Variants in ADGRB3 observed in about 807,000 individuals in gnomAD.
ADGRB3 encodes the protein brain-specific angiogenesis inhibitor 3.
A neutral mutation model predicts 193.4 loss-of-function variants in ADGRB3; 37 were observed. That is an observed-to-expected ratio of 0.19 (90% CI 0.15 to 0.25). The LOEUF (loss-of-function observed/expected upper bound fraction) is 0.25. ADGRB3 is among the 10% of genes least tolerant of loss of function. ADGRB3 has a pLI of 1.00. For synonymous variants in ADGRB3, 690 were observed against 644.2 expected (o/e 1.07, Z -1.08); for missense variants, 1,637 against 1,852.9 (o/e 0.88, Z 2.14).
chr6:69,338,699 A>G (rs985583008), intron 24 of ADGRB3, among the ~76,000 whole-genome samples: 9 of 152,220 alleles, frequency 5.9e-5, no homozygotes, highest in African/African-American at 1.9e-4. Flanking sequence ...AATGATGGAA[A>G]TATGTTTTGC....
At chr6:69,154,077 T>C (rs1774762264) in intron 17 of ADGRB3, among the ~76,000 whole-genome samples, 1 of 152,216 alleles carries the variant, frequency 6.6e-6, no homozygotes, top group South Asian at 2.1e-4. Context: ...ATAATGAACC[T>C]GACTCTTGAA....
chr6:68,794,962 T>A (rs144874288), intron 3 of ADGRB3, among the ~76,000 whole-genome samples: 111 of 152,184 alleles, frequency 7.3e-4, no homozygotes, highest in Middle Eastern at 3.4e-3. Flanking sequence ...ACTGGAGAAG[T>A]TCTATATAAA....
chr6:69,073,526 C>T (rs1463435348), intron 16 of ADGRB3, among the ~76,000 whole-genome samples: 6 of 152,128 alleles, frequency 3.9e-5, no homozygotes, highest in African/African-American at 9.7e-5. Flanking sequence ...AACAGGGGCC[C>T]TCGGCAAAGC....
chr6:69,274,009 T>C (rs1448837011), intron 20 of ADGRB3, among the ~76,000 whole-genome samples: 1 of 152,134 alleles, frequency 6.6e-6, no homozygotes. Context: ...GTGGTGGTAG[T>C]GGATGTCTTC....
chr6:68,713,496 G>A (rs950006610), intron 3 of ADGRB3, among the ~76,000 whole-genome samples: 34 of 149,940 alleles, frequency 2.3e-4, no homozygotes, highest in African/African-American at 7.3e-4. Flanking sequence ...TTCTCAGTCT[G>A]CCACTCTTTC....
intron 17 of ADGRB3, among the ~76,000 whole-genome samples, chr6:69,196,389 A>C (rs1363224436): frequency 1.3e-5 from 2 of 152,132 alleles, no homozygotes; most frequent in Non-Finnish European, 2.9e-5. Context: ...GGCTTAGACA[A>C]CAGAAATTTA....
chr6:68,758,499 T>C (rs1417738845), intron 3 of ADGRB3, among the ~76,000 whole-genome samples: 1 of 152,156 alleles, frequency 6.6e-6, no homozygotes, highest in African/African-American at 2.4e-5. Context: ...AATTTCCAGT[T>C]GTACTGCATT....
Position 69,137,097 on chromosome 6 carries a change from C to G in ADGRB3, c.2480+61059C>G, listed in dbSNP as rs540416226. Among the ~76,000 whole-genome samples the G allele has an allele frequency of 9.7e-5, 13 of 134,692 alleles. No individual in the cohort carries two copies. The East Asian group carries it at 2.7e-3, about 28-fold the overall frequency. The allele number at this position is 134,692 out of a possible 152,430, so 88.4% of individuals were successfully genotyped here. Reference sequence around the variant, plus strand: ...TTTTTAATGGTAAGATCTTTTTGAGCCTCAAATGTGAAATTAAAATAGATG... The same window carrying G: ...TTTTTAATGGTAAGATCTTTTTGAGGCTCAAATGTGAAATTAAAATAGATG... On this transcript the variant is annotated intron_variant, in intron 17 of 31. Coordinates refer to ENST00000370598, the MANE Select transcript of ADGRB3 (RefSeq NM_001704.3).
chr6:68,640,529 G>T (rs1023492186), intron 3 of ADGRB3, among the ~76,000 whole-genome samples: 12 of 152,220 alleles, frequency 7.9e-5, no homozygotes, highest in African/African-American at 2.9e-4. Context: ...TGAAACCAGA[G>T]AGTGTGTTGA....
intron 3 of ADGRB3, among the ~76,000 whole-genome samples, chr6:68,785,475 AG>A (rs1276684499): frequency 6.6e-6 from 1 of 151,860 alleles, no homozygotes; most frequent in Non-Finnish European, 1.5e-5. Context: ...GTCCCTACAA[AG>A]GACATGAACT....
chr6:69,143,946 C>A (rs1447589977), intron 17 of ADGRB3, among the ~76,000 whole-genome samples: 1 of 152,112 alleles, frequency 6.6e-6, no homozygotes, highest in Non-Finnish European at 1.5e-5. Context: ...AAATGGATTG[C>A]ACTGAATTTG....
At chr6:69,198,137 A>T (rs1411356456) in intron 17 of ADGRB3, among the ~76,000 whole-genome samples, 1 of 152,064 alleles carries the variant, frequency 6.6e-6, no homozygotes, top group Non-Finnish European at 1.5e-5. Context: ...TTACCATCTG[A>T]TATAATAAAA....
intron 26 of ADGRB3, among the ~76,000 whole-genome samples, chr6:69,349,383 A>G (rs767047304): frequency 1.3e-5 from 2 of 152,230 alleles, no homozygotes; most frequent in Non-Finnish European, 2.9e-5. Context: ...AGGGATTCTA[A>G]TAGAAAGTCA....
chr6:68,924,301 C>T (rs1767121982), intron 3 of ADGRB3, among the ~76,000 whole-genome samples: 1 of 151,930 alleles, frequency 6.6e-6, no homozygotes, highest in African/African-American at 2.4e-5. Context: ...TCCTGGATGG[C>T]AAACAGAATA....
At chr6:69,009,655 T>G (rs1365170514) in intron 11 of ADGRB3, among the ~76,000 whole-genome samples, 1 of 152,166 alleles carries the variant, frequency 6.6e-6, no homozygotes, top group South Asian at 2.1e-4. Flanking sequence ...TAATGGCTTA[T>G]CCCTGCTTCC....
intron 20 of ADGRB3, among the ~76,000 whole-genome samples, chr6:69,298,980 C>G (rs753425251): frequency 6.6e-6 from 1 of 151,902 alleles, no homozygotes; most frequent in African/African-American, 2.4e-5. Flanking sequence ...AGTGGCTGCA[C>G]GAATTTACAC....
chr6:68,975,163 A>G, intron 9 of ADGRB3, 71 bp from the exon 10 acceptor site: 7 of 1,252,780 alleles, frequency 5.6e-6, no homozygotes, highest in Non-Finnish European at 8.0e-6. Context: ...TTTTAGCCTG[A>G]TTCCCAGCTA....
chr6:69,020,234 G>A (rs778998838), intron 13 of ADGRB3, among the ~76,000 whole-genome samples: 10 of 152,024 alleles, frequency 6.6e-5, no homozygotes, highest in Non-Finnish European at 1.3e-4. Flanking sequence ...TCAATACATG[G>A]CATTTGTGCA....
At chr6:68,954,767 C>T (rs909805637) in intron 6 of ADGRB3, among the ~76,000 whole-genome samples, 3 of 151,586 alleles carry the variant, frequency 2.0e-5, no homozygotes, top group South Asian at 2.1e-4. Context: ...GCAAGCTCCA[C>T]CTCCCGGGTT....
Sources: allele counts gnomAD v4.1 joint callset (sites outside exome capture counted in the v4.1 genomes callset), GRCh38; gene constraint gnomAD v4.1.1; transcripts MANE v1.5; gene names NCBI Gene and HGNC (gene_info 2026-07-23, HGNC 2026-07-21).